The following ITGB3BP variants were observed in gnomAD, a reference collection of about 807,000 sequenced individuals.
ITGB3BP encodes centromere protein R.
A neutral mutation model predicts 29.1 loss-of-function variants in ITGB3BP; 27 were observed. The observed-to-expected ratio is 0.93, with a 90% CI of 0.68 to 1.28. The LOEUF (loss-of-function observed/expected upper bound fraction) is 1.28, where lower values mean the gene tolerates loss of function less well. ITGB3BP is among the 50% of genes most tolerant of loss of function. The probability of loss-of-function intolerance (pLI) is 0.00; values close to 1 mark genes in which losing one functional copy is unlikely to be tolerated. For missense variants in ITGB3BP, 192 were observed against 200.2 expected (o/e 0.96, Z 0.25); for synonymous variants, 61 against 61.4 (o/e 0.99, Z 0.03).
At chr1:63,522,958 G>A (rs1646492775) in intron 1 of ITGB3BP, 171 bp downstream of exon 1, 3 of 809,452 alleles carry the variant, frequency 3.7e-6, no homozygotes, top group African/African-American at 3.3e-5. Flanking sequence ...GAGTACCGCT[G>A]GAGGAGACGT....
chr1:63,490,000 T>C, intron 3 of ITGB3BP, 83 bp downstream of exon 3: 1 of 1,187,712 alleles, frequency 8.4e-7, no homozygotes, highest in Non-Finnish European at 1.2e-6. Flanking sequence ...TGTAGCAAGA[T>C]CCATACATAA....
intron 2 of ITGB3BP, among the ~76,000 whole-genome samples, chr1:63,505,847 G>A (rs1383806090): frequency 6.6e-6 from 1 of 152,134 alleles, no homozygotes; most frequent in Admixed American, 6.6e-5. Context: ...TTAATCCTGA[G>A]TTCTAGTTTG....
chr1:63,496,705 A>G (rs1194094861), intron 2 of ITGB3BP, among the ~76,000 whole-genome samples: 2 of 152,198 alleles, frequency 1.3e-5, no homozygotes, highest in African/African-American at 4.8e-5. Context: ...TATGTCAATA[A>G]GGGCTGGCTT....
chr1:63,515,383 T>C (rs1646292503), intron 1 of ITGB3BP, among the ~76,000 whole-genome samples: 1 of 152,182 alleles, frequency 6.6e-6, no homozygotes, highest in South Asian at 2.1e-4. Context: ...TTACCAACAC[T>C]TTATGCCATG....
intron 4 of ITGB3BP, among the ~76,000 whole-genome samples, chr1:63,462,561 AG>A (rs1645034268): frequency 6.6e-6 from 1 of 152,222 alleles, no homozygotes; most frequent in Non-Finnish European, 1.5e-5. Context: ...TTTAGGGGAA[AG>A]CTTTCAGTCT....
chr1:63,446,909 G>T, intron 7 of ITGB3BP, 53 bp from the exon 8 acceptor site: 1 of 1,290,624 alleles, frequency 7.7e-7, no homozygotes, highest in Non-Finnish European at 1.1e-6. Context: ...AAAGCAACTT[G>T]CCACAGTATA....
chr1:63,511,256 A>G (rs151260031), intron 1 of ITGB3BP, among the ~76,000 whole-genome samples: 1 of 152,268 alleles, frequency 6.6e-6, no homozygotes, highest in African/African-American at 2.4e-5. Context: ...GATGGCTACT[A>G]TTAAAAAACC....
intron 2 of ITGB3BP, among the ~76,000 whole-genome samples, chr1:63,501,189 T>G (rs1570281837): frequency 6.6e-6 from 1 of 152,258 alleles, no homozygotes; most frequent in East Asian, 1.9e-4. Context: ...GTACAAAAAT[T>G]AACTCAAAAT....
At chr1:63,486,323 T>G (rs527835845) in intron 3 of ITGB3BP, among the ~76,000 whole-genome samples, 1 of 151,994 alleles carries the variant, frequency 6.6e-6, no homozygotes, top group East Asian at 1.9e-4. Context: ...AACTGACCCT[T>G]GAGGAACTCG....
At chr1:63,524,819 C>A (rs1174954150), upstream of ITGB3BP, among the ~76,000 whole-genome samples, 2 of 152,122 alleles carry the variant, frequency 1.3e-5, no homozygotes, top group African/African-American at 4.8e-5. Context: ...CAAAAAAATA[C>A]CTGACCGCTG....
At chr1:63,525,789 C>T, upstream of ITGB3BP, 1 of 1,440,334 alleles carries the variant, frequency 6.9e-7, no homozygotes, top group Non-Finnish European at 9.3e-7. Flanking sequence ...AAATCTTTCA[C>T]CTTTTTGTTG....
upstream of ITGB3BP, among the ~76,000 whole-genome samples, chr1:63,527,566 C>G (rs181284880): frequency 4.6e-4 from 70 of 152,190 alleles, 1 homozygote; most frequent in African/African-American, 1.6e-3. Flanking sequence ...TAAACCCTGG[C>G]AAAAGATCCA....
At chr1:63,521,109 C>T (rs1270525082) in intron 1 of ITGB3BP, among the ~76,000 whole-genome samples, 1 of 152,036 alleles carries the variant, frequency 6.6e-6, no homozygotes, top group Non-Finnish European at 1.5e-5. Context: ...AGATCACACC[C>T]TCCCGTAAGT....
chr1:63,467,605 AAGC>A lies in ITGB3BP; in HGVS notation c.254+11156_254+11158del, dbSNP rs571203315. Among the ~76,000 whole-genome samples the A allele has an allele frequency of 4.1e-4, 63 of 152,308 alleles. 1 individual carries two copies. In the South Asian group the frequency reaches 0.013, roughly 31 times the overall value. On this transcript the variant is annotated intron_variant, in intron 4 of 8. Transcript: ENST00000271002. The stretch of plus-strand genomic sequence containing the variant: ...AGGCTGGCCTTGAACTTCTGGGCTC[AAGC>A]GATCCTCCTACCTTGGCTTCCCAAA...
At chr1:63,489,341 C>T (rs938741432) in intron 3 of ITGB3BP, among the ~76,000 whole-genome samples, 1 of 150,432 alleles carries the variant, frequency 6.6e-6, no homozygotes, top group Non-Finnish European at 1.5e-5. Context: ...AAAGGATACA[C>T]TATTAAATTT....
intron 2 of ITGB3BP, among the ~76,000 whole-genome samples, chr1:63,498,040 G>A (rs1393946271): frequency 1.3e-5 from 2 of 151,758 alleles, no homozygotes; most frequent in African/African-American, 4.8e-5. Context: ...TAACAGGAGA[G>A]GCCCAAAATA....
intron 3 of ITGB3BP, among the ~76,000 whole-genome samples, chr1:63,483,731 T>G (rs1435245881): frequency 6.6e-6 from 1 of 152,184 alleles, no homozygotes; most frequent in Non-Finnish European, 1.5e-5. Context: ...ACCACATATA[T>G]GACAGTGGTC....
At chr1:63,468,600 G>T (rs7545787) in intron 4 of ITGB3BP, among the ~76,000 whole-genome samples, 110,360 of 150,992 alleles carry the variant, frequency 0.73, 42,356 homozygotes, top group Non-Finnish European at 0.85. Context: ...GGTGGCTTAC[G>T]CCTGTAATCC....
intron 2 of ITGB3BP, among the ~76,000 whole-genome samples, chr1:63,505,591 T>C (rs1220446793): frequency 2.0e-5 from 3 of 152,224 alleles, no homozygotes; most frequent in South Asian, 2.1e-4. Flanking sequence ...CTAGTTCTTT[T>C]AATTGTGATG....
Sources: gnomAD v4.1 joint callset for allele counts (sites outside exome capture counted in the v4.1 genomes callset) on GRCh38, gnomAD v4.1.1 for gene constraint, MANE v1.5 for transcripts, NCBI Gene and HGNC (gene_info 2026-07-23, HGNC 2026-07-21) for gene names.